Variants in COL5A1 observed in about 807,000 individuals in gnomAD.
COL5A1 encodes collagen type V alpha 1 chain.
In COL5A1, 16 loss-of-function variants were observed where a neutral mutation model predicts 263.7. The ratio of observed to expected loss-of-function variants is 0.06; its 90% CI spans 0.04 to 0.09. The LOEUF (loss-of-function observed/expected upper bound fraction) is 0.09, where lower values mean the gene tolerates loss of function less well. Among genes scored for constraint, COL5A1 ranks in the 10% least tolerant of loss-of-function variants. The pLI is 1.00. For synonymous variants in COL5A1, 1,012 were observed against 1,004.5 expected (o/e 1.01, Z -0.14); for missense variants, 2,036 against 2,540.5 (o/e 0.80, Z 4.27).
At chr9:134,815,514 C>A in intron 50 of COL5A1, 62 bp from the exon 51 acceptor site, 2 of 1,533,524 alleles carry the variant, frequency 1.3e-6, no homozygotes, top group Non-Finnish European at 1.8e-6. Flanking sequence ...ACATGATTGG[C>A]CGTGTGTGGT....
In COL5A1 at chr9:134,684,921, C is replaced by T. The variant is rs539923590; in HGVS notation, c.110-5991C>T. ...ACCATCTATCCATTCACCCATCCAT[C>T]CATTCATCCATCCATCCACCATCCA... On this transcript the variant is annotated intron_variant, in intron 1 of 65. Transcript: ENST00000371817. 7.5e-4 allele frequency among the ~76,000 whole-genome samples: 107 copies of T among 142,500 alleles called. 1 individual carries two copies. The highest frequency in any genetic ancestry group is 3.6e-3 in the Middle Eastern group (1 of 276). The allele number at this position is 142,500 out of a possible 152,430, so 93.5% of individuals were successfully genotyped here.
chr9:134,760,802 CCTG>C (rs1213241129), intron 18 of COL5A1, among the ~76,000 whole-genome samples: 1 of 137,974 alleles, frequency 7.2e-6, no homozygotes. Flanking sequence ...ACGCATACAC[CCTG>C]ACACACCCCC....
intron 2 of COL5A1, among the ~76,000 whole-genome samples, chr9:134,697,827 T>A (rs1833535445): frequency 6.6e-6 from 1 of 152,158 alleles, no homozygotes; most frequent in Non-Finnish European, 1.5e-5. Context: ...TGCAAAGCCA[T>A]AATCGCAGCA....
intron 4 of COL5A1, among the ~76,000 whole-genome samples, chr9:134,703,486 G>A (rs1833737591): frequency 6.6e-6 from 1 of 152,152 alleles, no homozygotes; most frequent in Non-Finnish European, 1.5e-5. Context: ...GTAAAACATT[G>A]GTCACAGTAA....
intron 4 of COL5A1, among the ~76,000 whole-genome samples, chr9:134,715,464 A>G (rs187953655): frequency 2.6e-5 from 4 of 152,292 alleles, no homozygotes; most frequent in South Asian, 4.1e-4. Flanking sequence ...TCCTCAGCAC[A>G]GACCCTTCAT....
chr9:134,738,606 A>G (rs974698876), intron 10 of COL5A1, 91 bp downstream of exon 10: 1 of 1,569,640 alleles, frequency 6.4e-7, no homozygotes, highest in Non-Finnish European at 8.8e-7. Flanking sequence ...GATGGAAAAG[A>G]GGGGGGCTCT....
intron 25 of COL5A1, among the ~76,000 whole-genome samples, chr9:134,769,698 G>C (rs931707350): frequency 1.3e-5 from 2 of 152,188 alleles, no homozygotes. Flanking sequence ...GGGGAGGAAG[G>C]GGACCTGGGT....
intron 1 of COL5A1, among the ~76,000 whole-genome samples, chr9:134,687,039 C>T (rs535572609): frequency 6.6e-6 from 1 of 152,326 alleles, no homozygotes; most frequent in South Asian, 2.1e-4. Context: ...TTTGGGGTTG[C>T]ACCACCATAG....
chr9:134,820,083 CA>C lies in COL5A1; in HGVS notation c.4447-30del, dbSNP rs761030166. Reference sequence around the variant, plus strand: ...GGCCGAGCATGAGGCGTGGCTCCCTCAAATGCCCCTTCCTGTCTTCATTTTC... The same window carrying C: ...GGCCGAGCATGAGGCGTGGCTCCCTCAATGCCCCTTCCTGTCTTCATTTTC... On this transcript the variant is annotated intron_variant, in intron 57 of 65. Transcript: ENST00000371817. 8 of 1,565,384 alleles carry C rather than the reference CA, an allele frequency of 5.1e-6. No homozygotes were observed. In the East Asian group the frequency reaches 1.3e-4, roughly 26 times the overall value.
At chr9:134,753,785 C>A in intron 14 of COL5A1, 65 bp from the exon 15 acceptor site, 1 of 1,081,832 alleles carries the variant, frequency 9.2e-7, no homozygotes, top group Non-Finnish European at 1.4e-6. Context: ...CTGCCACCCC[C>A]AGCCCTTCCT....
At chr9:134,806,025 C>A (rs1216065697) in intron 41 of COL5A1, among the ~76,000 whole-genome samples, 164 bp from the exon 42 acceptor site, 1 of 152,148 alleles carries the variant, frequency 6.6e-6, no homozygotes, top group Non-Finnish European at 1.5e-5. Context: ...AGACACAGAG[C>A]CCCGAACGCT....
chr9:134,765,655 A>G lies in COL5A1; in HGVS notation c.2035-26A>G. ...GGCTGGGATTTCTGCCCGAGTTTAAATCCTATTTTCCCTTTCCTCTTACAG... is the reference window on the plus strand; with the variant it reads ...GGCTGGGATTTCTGCCCGAGTTTAAGTCCTATTTTCCCTTTCCTCTTACAG... On this transcript the variant is annotated intron_variant, in intron 20 of 65. Coordinates refer to ENST00000371817, the MANE Select transcript of COL5A1 (RefSeq NM_000093.5). This position sits in a 1 kb window ranked among gnomAD's most constrained non-coding sequence, Gnocchi z 5.1. 6.2e-7 allele frequency: 1 copy of G among 1,610,304 alleles called. No homozygotes were observed. Among genetic ancestry groups the G allele is most frequent in the Non-Finnish European group, 8.5e-7 (1 of 1,176,706 alleles).
chr9:134,689,155 C>G (rs999909406), intron 1 of COL5A1, among the ~76,000 whole-genome samples: 2 of 152,204 alleles, frequency 1.3e-5, no homozygotes, highest in Admixed American at 6.5e-5. Context: ...GCGCCATTGT[C>G]TCTGGCAGCC....
Position 134,716,719 on chromosome 9 carries a change from G to T in COL5A1, c.655-10547G>T, listed in dbSNP as rs1224497854. On this transcript the variant is annotated intron_variant, in intron 4 of 65. Transcript: ENST00000371817. The surrounding 1 kb of genome is among the most constrained non-coding windows in gnomAD (Gnocchi z 4.5). Reference sequence around the variant, plus strand: ...GTCCCTGTGGCCAGCTTCAGGGTGTGCATGAGGCTGTGACCTGATCATGCC... The same window carrying T: ...GTCCCTGTGGCCAGCTTCAGGGTGTTCATGAGGCTGTGACCTGATCATGCC... 4.7e-4 allele frequency among the ~76,000 whole-genome samples: 71 copies of T among 152,298 alleles called. No homozygotes were observed. Among genetic ancestry groups the T allele is most frequent in the Non-Finnish European group, 7.4e-5 (5 of 68,020 alleles).
rs142978022 is a variant in COL5A1 at position 134,812,812 on chromosome 9, G to A, written c.3852+100G>A. On this transcript the variant is annotated intron_variant, in intron 48 of 65. Transcript: ENST00000371817. Reference sequence around the variant, plus strand: ...TCTGTGTGTATGTGTATGTGCGCATGCACACGCTTGTGGGGGTGCATACAC... The same window carrying A: ...TCTGTGTGTATGTGTATGTGCGCATACACACGCTTGTGGGGGTGCATACAC... The A allele has an allele frequency of 6.5e-3, 5,560 of 852,544 alleles. 34 individuals are homozygous for A. The highest frequency in any genetic ancestry group is 7.9e-3 in the Non-Finnish European group (4,073 of 513,456). The allele number at this position is 852,544 out of a possible 1,614,324, so 52.8% of individuals were successfully genotyped here.
At chr9:134,733,006 G>A (rs567448577) in intron 9 of COL5A1, among the ~76,000 whole-genome samples, 1 of 152,344 alleles carries the variant, frequency 6.6e-6, no homozygotes, top group Non-Finnish European at 1.5e-5. Flanking sequence ...GAGCAGGGAG[G>A]AGCCAGCACC....
chr9:134,710,922 G>GTTGGGTGCAGTGGTGGGGGAGGGGCCCCA (rs1834019080), intron 4 of COL5A1, among the ~76,000 whole-genome samples: 1 of 89,178 alleles, frequency 1.1e-5, no homozygotes, highest in Non-Finnish European at 2.2e-5. Flanking sequence ...GAGGGGCCCC[G>GTTGGGTGCAGTGGTGGGGGAGGGGCCCCA]TCTGTTGGGT....
At chr9:134,667,638 C>T (rs1228461357) in intron 1 of COL5A1, among the ~76,000 whole-genome samples, 2 of 152,228 alleles carry the variant, frequency 1.3e-5, no homozygotes, top group African/African-American at 4.8e-5. Context: ...TCACAGGTAT[C>T]CTTGCAGTCT....
chr9:134,715,690 C>T (rs914406158), intron 4 of COL5A1, among the ~76,000 whole-genome samples: 11 of 152,226 alleles, frequency 7.2e-5, no homozygotes, highest in Admixed American at 5.9e-4. Flanking sequence ...TTTAACAAAG[C>T]ACATCCTGCA....
Sources: allele counts gnomAD v4.1 joint callset (sites outside exome capture counted in the v4.1 genomes callset), GRCh38; gene constraint gnomAD v4.1.1; non-coding constraint Gnocchi (gnomAD v3.1); transcripts MANE v1.5; gene names NCBI Gene and HGNC (gene_info 2026-07-23, HGNC 2026-07-21).